Variants in SLC24A3 observed in about 807,000 individuals in gnomAD.
SLC24A3 encodes sodium/potassium/calcium exchanger 3.
In SLC24A3, 28 loss-of-function variants were observed where a neutral mutation model predicts 75.8. The observed-to-expected ratio is 0.37, with a 90% CI of 0.27 to 0.51. SLC24A3 has a LOEUF of 0.51. Among genes scored for constraint, SLC24A3 ranks in the 20% least tolerant of loss-of-function variants. The pLI is 0.94. For synonymous variants in SLC24A3, 372 were observed against 334.1 expected, an observed-to-expected ratio of 1.11 and a Z score of -1.24; for missense variants, 663 against 847.8, an observed-to-expected ratio of 0.78 and a Z score of 2.71.
At chr20:19,568,263 A>G (rs920194127) in intron 3 of SLC24A3, among the ~76,000 whole-genome samples, 4 of 152,214 alleles carry the variant, frequency 2.6e-5, no homozygotes, top group Admixed American at 6.5e-5. Context: ...ATTACATGTG[A>G]ACCATCAATT....
intron 2 of SLC24A3, among the ~76,000 whole-genome samples, chr20:19,411,988 A>G (rs1399793000): frequency 2.0e-5 from 3 of 152,100 alleles, no homozygotes; most frequent in African/African-American, 7.2e-5. Flanking sequence ...CTTGTTCTTC[A>G]CTGTATTTTT....
chr20:19,624,621 C>T (rs577033502), intron 6 of SLC24A3, among the ~76,000 whole-genome samples: 38 of 152,210 alleles, frequency 2.5e-4, no homozygotes, highest in Non-Finnish European at 4.7e-4. Flanking sequence ...CACTTCCACT[C>T]TCCTTCAGTG....
chr20:19,242,833 G>A (rs1463590779), intron 1 of SLC24A3, among the ~76,000 whole-genome samples: 1 of 152,168 alleles, frequency 6.6e-6, no homozygotes, highest in South Asian at 2.1e-4. Flanking sequence ...AAATTTGCAT[G>A]TATAGATAAT....
chr20:19,409,328 A>G (rs1986704484), intron 2 of SLC24A3, among the ~76,000 whole-genome samples: 1 of 152,210 alleles, frequency 6.6e-6, no homozygotes, highest in South Asian at 2.1e-4. Flanking sequence ...TAGTGGGTTC[A>G]GGAAGCAAAA....
intron 1 of SLC24A3, among the ~76,000 whole-genome samples, chr20:19,267,233 G>A (rs917332248): frequency 9.2e-5 from 14 of 152,074 alleles, no homozygotes; most frequent in African/African-American, 3.4e-4. Context: ...GCTAACAGAA[G>A]GTCTGCTTAT....
intron 10 of SLC24A3, 116 bp from the exon 11 acceptor site, chr20:19,684,048 GATGGATGGGTGA>G: frequency 9.6e-7 from 1 of 1,038,368 alleles, no homozygotes. Flanking sequence ...TGAGTGGATA[GATGGATGGGTGA>G]ATGGATGGGA....
intron 3 of SLC24A3, among the ~76,000 whole-genome samples, chr20:19,517,917 G>A (rs2030027269): frequency 2.6e-5 from 4 of 152,142 alleles, no homozygotes; most frequent in Non-Finnish European, 2.9e-5. Flanking sequence ...CCATCCCCAA[G>A]GCCCAAGATC....
rs546878349 is a variant in SLC24A3 at position 19,487,204 on chromosome 20, A to T, written c.272-28284A>T. On this transcript the variant is annotated intron_variant, in intron 2 of 16. Transcript: ENST00000328041. ...TCAGAACACAGGAGATGCCAAATTG[A>T]TGCCTCTTGAATTGAATTAAATGCC... Among the ~76,000 whole-genome samples the T allele has an allele frequency of 2.0e-5, 3 of 152,302 alleles. No homozygotes were observed. The South Asian group carries it at 6.2e-4, about 32-fold the overall frequency.
At chr20:19,464,743 G>GA (rs976087869) in intron 2 of SLC24A3, among the ~76,000 whole-genome samples, 3 of 152,112 alleles carry the variant, frequency 2.0e-5, no homozygotes, top group Non-Finnish European at 2.9e-5. Context: ...GAGGTCAAGA[G>GA]AAAAAAAGGA....
At chr20:19,233,827 C>T (rs1296792911) in intron 1 of SLC24A3, among the ~76,000 whole-genome samples, 1 of 152,210 alleles carries the variant, frequency 6.6e-6, no homozygotes, top group Non-Finnish European at 1.5e-5. Context: ...TCTAATCTCA[C>T]TTCAGCTATT....
chr20:19,427,943 T>G (rs1040194555), intron 2 of SLC24A3, among the ~76,000 whole-genome samples: 1 of 152,232 alleles, frequency 6.6e-6, no homozygotes, highest in African/African-American at 2.4e-5. Context: ...TATCAATAAT[T>G]CTGCTGTCCA....
chr20:19,670,335 G>A (rs1040919941), intron 8 of SLC24A3, among the ~76,000 whole-genome samples: 4 of 152,060 alleles, frequency 2.6e-5, no homozygotes, highest in Non-Finnish European at 4.4e-5. Flanking sequence ...GGGTTCAATG[G>A]GGAGGAAGCC....
chr20:19,555,528 T>A (rs2030768796), intron 3 of SLC24A3, among the ~76,000 whole-genome samples: 2 of 152,182 alleles, frequency 1.3e-5, no homozygotes, highest in South Asian at 4.2e-4. Flanking sequence ...CTCCAGGAAG[T>A]ATTACAAAAA....
chr20:19,560,252 A>G (rs1343551731), intron 3 of SLC24A3, among the ~76,000 whole-genome samples: 1 of 152,238 alleles, frequency 6.6e-6, no homozygotes, highest in Non-Finnish European at 1.5e-5. Context: ...GAAGAGTCTC[A>G]GAGGAACTAT....
chr20:19,641,267 G>A (rs2032072589), intron 6 of SLC24A3, among the ~76,000 whole-genome samples: 1 of 152,100 alleles, frequency 6.6e-6, no homozygotes, highest in South Asian at 2.1e-4. Flanking sequence ...TCCACAGTCA[G>A]TGTCAGCCAC....
At chr20:19,601,411 A>G (rs147607006) in intron 6 of SLC24A3, among the ~76,000 whole-genome samples, 1 of 152,154 alleles carries the variant, frequency 6.6e-6, no homozygotes, top group East Asian at 1.9e-4. Context: ...AATTCCCTTT[A>G]TGTGGGGATC....
chr20:19,436,072 C>T (rs1032556021), intron 2 of SLC24A3, among the ~76,000 whole-genome samples: 10 of 152,148 alleles, frequency 6.6e-5, no homozygotes, highest in African/African-American at 2.4e-4. Context: ...TAATAGCTAA[C>T]AGTTGTTGAG....
At chr20:19,534,346 C>T (rs1241133293) in intron 3 of SLC24A3, among the ~76,000 whole-genome samples, 2 of 152,246 alleles carry the variant, frequency 1.3e-5, no homozygotes, top group Admixed American at 1.3e-4. Flanking sequence ...AGAGGCAATC[C>T]TCAATCTCTT....
chr20:19,355,559 G>T (rs1985664530), intron 2 of SLC24A3, among the ~76,000 whole-genome samples: 1 of 152,114 alleles, frequency 6.6e-6, no homozygotes, highest in Non-Finnish European at 1.5e-5. Flanking sequence ...CTGGACCCTT[G>T]GAGAATCCCC....
Sources: gnomAD v4.1 joint callset for allele counts (sites outside exome capture counted in the v4.1 genomes callset) on GRCh38, gnomAD v4.1.1 for gene constraint, MANE v1.5 for transcripts, NCBI Gene and HGNC (gene_info 2026-07-23, HGNC 2026-07-21) for gene names.